ANXA2: variants seen among roughly 807,000 people sequenced by gnomAD.
The protein encoded by ANXA2 is annexin II.
ANXA2 carries 28 observed loss-of-function variants against 47.3 expected under a neutral mutation model. That is an observed-to-expected ratio of 0.59 (90% confidence interval 0.44 to 0.81). The LOEUF is 0.81. ANXA2 is among the 40% of genes least tolerant of loss of function. ANXA2 has a pLI of 0.00. For synonymous variants in ANXA2, 172 were observed against 155.5 expected (o/e 1.11, Z -0.79); for missense variants, 384 against 414.3 (o/e 0.93, Z 0.64).
chr15:60,387,366 A>G (rs1009095222), intron 1 of ANXA2, among the ~76,000 whole-genome samples: 3 of 152,200 alleles, frequency 2.0e-5, no homozygotes, highest in African/African-American at 7.2e-5. Flanking sequence ...TCCCCACCCC[A>G]ATTTGTCCCA....
At chr15:60,367,272 G>C (rs2062635548) in intron 3 of ANXA2, among the ~76,000 whole-genome samples, 2 of 116,938 alleles carry the variant, frequency 1.7e-5, no homozygotes, top group African/African-American at 3.3e-5. Flanking sequence ...GAGGTGGGGG[G>C]ATCAGCCCCC....
intron 3 of ANXA2, among the ~76,000 whole-genome samples, chr15:60,373,147 C>T (rs979703130): frequency 1.3e-5 from 2 of 152,192 alleles, no homozygotes; most frequent in Non-Finnish European, 2.9e-5. Flanking sequence ...CTAGCTCCTA[C>T]AAAGGATATG....
At chr15:60,394,877 G>A (rs1189787234) in intron 1 of ANXA2, among the ~76,000 whole-genome samples, 3 of 152,112 alleles carry the variant, frequency 2.0e-5, no homozygotes, top group Non-Finnish European at 2.9e-5. Flanking sequence ...GAAGAAAAAA[G>A]ATACCAGGCA....
At chr15:60,391,207 CCCCAGA>C (rs2063005037) in intron 1 of ANXA2, 1 of 152,264 alleles carries the variant, frequency 6.6e-6, no homozygotes, top group South Asian at 2.1e-4. Context: ...AAACCCAGAT[CCCCAGA>C]CTCCTGGGCC....
intron 4 of ANXA2, chr15:60,361,572 G>A (rs1950046863): frequency 6.4e-6 from 1 of 156,944 alleles, no homozygotes; most frequent in Non-Finnish European, 1.4e-5. Flanking sequence ...AGTTGGAAGT[G>A]AGGTCATGAA....
rs11553798 is a variant in ANXA2, at chr15:60,347,485, G to A, written c.*145C>T. On this transcript the variant is annotated 3_prime_UTR_variant, in exon 13 of 13. Coordinates refer to ENST00000451270, the MANE Select transcript of ANXA2 (RefSeq NM_004039.3). ...AGACAGGAAGGCCAGGCAATGCTTAGGCAACTAAAATGAGGTTGGGGGTAA... is the reference window on the plus strand; with the variant it reads ...AGACAGGAAGGCCAGGCAATGCTTAAGCAACTAAAATGAGGTTGGGGGTAA... 1 of 706,706 alleles carries A rather than the reference G, an allele frequency of 1.4e-6. No individual in the cohort carries two copies. The highest frequency in any genetic ancestry group is 2.4e-6 in the Non-Finnish European group (1 of 412,518). 43.8% of individuals were successfully genotyped at this position (706,706 alleles called of 1,614,324 possible).
At chr15:60,364,547 C>T (rs759562057) in intron 3 of ANXA2, 24 bp from the exon 4 acceptor site, 5 of 1,587,432 alleles carry the variant, frequency 3.1e-6, no homozygotes, top group Non-Finnish European at 4.3e-6. Context: ...AGTTGTTAAT[C>T]GTTACTCAGT....
At chr15:60,384,252 C>G (rs2062903389) in intron 2 of ANXA2, 1 of 152,178 alleles carries the variant, frequency 6.6e-6, no homozygotes, top group African/African-American at 2.4e-5. Flanking sequence ...ACAAGGCAGG[C>G]AGTCCAGGCA....
Position 60,397,976 on chromosome 15 carries a change from A to C in ANXA2, c.-45T>G, listed in dbSNP as rs1169725370. ...TGCGCCGAGAGCTGAGAGCGTCCCC[A>C]AATGCTGAGCAGAGCCGGCTGGCCT... On this transcript the variant is annotated 5_prime_UTR_variant, in exon 1 of 13. Transcript: ENST00000451270. 3.2e-6 allele frequency: 4 copies of C among 1,247,360 alleles called. No individual in the cohort carries two copies. The East Asian group carries it at 9.5e-5, about 30-fold the overall frequency. The allele number at this position is 1,247,360 out of a possible 1,614,324, so 77.3% of individuals were successfully genotyped here.
intron 3 of ANXA2, among the ~76,000 whole-genome samples, chr15:60,376,631 A>G (rs1423378310): frequency 6.6e-6 from 1 of 152,198 alleles, no homozygotes; most frequent in Non-Finnish European, 1.5e-5. Flanking sequence ...CTCCTCTAAC[A>G]GAGGGCTGCA....
intron 3 of ANXA2, among the ~76,000 whole-genome samples, chr15:60,367,080 G>T (rs1283018705): frequency 3.2e-5 from 2 of 62,038 alleles, no homozygotes; most frequent in African/African-American, 7.3e-5. Context: ...GGGGGGATCA[G>T]CCCCCCGCCT....
At chr15:60,372,712 TA>T (rs1171346776) in intron 3 of ANXA2, among the ~76,000 whole-genome samples, 1 of 149,082 alleles carries the variant, frequency 6.7e-6, no homozygotes, top group Non-Finnish European at 1.5e-5. Flanking sequence ...TTTTTTTTTT[TA>T]AACAGGGTCT....
chr15:60,374,384 T>G (rs903275604), intron 3 of ANXA2: 9 of 450,220 alleles, frequency 2.0e-5, no homozygotes, highest in Middle Eastern at 3.3e-4. Flanking sequence ...TCCGTCAGCC[T>G]CATGGGACAG....
chr15:60,354,505 C>A (rs1420561471), intron 7 of ANXA2, among the ~76,000 whole-genome samples: 1 of 151,060 alleles, frequency 6.6e-6, no homozygotes, highest in Non-Finnish European at 1.5e-5. Flanking sequence ...TGGCACATGC[C>A]TGTAGTCCCA....
At chr15:60,359,868 A>C (rs2062487017) in intron 5 of ANXA2, among the ~76,000 whole-genome samples, 1 of 152,206 alleles carries the variant, frequency 6.6e-6, no homozygotes, top group Non-Finnish European at 1.5e-5. Context: ...GCAGTGTCGG[A>C]CTGTTCAAAT....
chr15:60,387,299 G>A (rs1322905053), intron 1 of ANXA2, among the ~76,000 whole-genome samples: 1 of 152,138 alleles, frequency 6.6e-6, no homozygotes, highest in East Asian at 1.9e-4. Flanking sequence ...TTTATGCACA[G>A]CGAAAAGTCA....
intron 3 of ANXA2, among the ~76,000 whole-genome samples, chr15:60,365,099 A>G (rs1322542840): frequency 7.8e-6 from 1 of 127,424 alleles, no homozygotes; most frequent in Non-Finnish European, 1.8e-5. Flanking sequence ...CTTATTGAAG[A>G]CAAAATTGTT....
At chr15:60,393,744 A>G (rs1324280878) in intron 1 of ANXA2, 1 of 937,730 alleles carries the variant, frequency 1.1e-6, no homozygotes, top group Non-Finnish European at 1.3e-6. Context: ...TCTGTGCAAC[A>G]TTAGAGTTAC....
rs530054460 is a variant in ANXA2, at chr15:60,375,478, C to A, written c.148+6864G>T. Reference sequence around the variant, plus strand: ...TGACTCTCCTTTCTAGTTATTTGGACCCATATGGTAAACCATTCACAGCTG... The same window carrying A: ...TGACTCTCCTTTCTAGTTATTTGGAACCATATGGTAAACCATTCACAGCTG... On this transcript the variant is annotated intron_variant, in intron 3 of 12. Coordinates refer to ENST00000451270, the MANE Select transcript of ANXA2 (RefSeq NM_004039.3). Among the ~76,000 whole-genome samples, 4 of 152,250 alleles carry A rather than the reference C, an allele frequency of 2.6e-5. No individual in the cohort carries two copies. The South Asian group carries it at 8.3e-4, about 32-fold the overall frequency.
Sources: gnomAD v4.1 joint callset for allele counts (sites outside exome capture counted in the v4.1 genomes callset) on GRCh38, gnomAD v4.1.1 for gene constraint, MANE v1.5 for transcripts, NCBI Gene and HGNC (gene_info 2026-07-23, HGNC 2026-07-21) for gene names.